Variants in ANKFN1 observed in about 807,000 individuals in gnomAD.
ANKFN1 encodes the protein ankyrin repeat and fibronectin type III domain containing 1, also known as ankyrin repeat and fibronectin type-III domain-containing protein 1.
A neutral mutation model predicts 108.7 loss-of-function variants in ANKFN1; 74 were observed. The ratio of observed to expected loss-of-function variants is 0.68; its 90% CI spans 0.56 to 0.83. The LOEUF (loss-of-function observed/expected upper bound fraction) is 0.83, where lower values mean the gene tolerates loss of function less well. Among genes scored for constraint, ANKFN1 ranks in the 40% least tolerant of loss-of-function variants. ANKFN1 has a pLI of 0.00. For synonymous variants in ANKFN1, 547 were observed against 516.2 expected, an observed-to-expected ratio of 1.06 and a Z score of -0.81; for missense variants, 1,505 against 1,382.3, an observed-to-expected ratio of 1.09 and a Z score of -1.41.
chr17:56,438,556 A>G (rs2048997160), intron 8 of ANKFN1, among the ~76,000 whole-genome samples: 1 of 152,122 alleles, frequency 6.6e-6, no homozygotes. Context: ...AATTCAGGGT[A>G]TAGTAAAAGG....
intron 8 of ANKFN1, among the ~76,000 whole-genome samples, chr17:56,381,171 C>T (rs1044053965): frequency 6.6e-6 from 1 of 152,206 alleles, no homozygotes; most frequent in African/African-American, 2.4e-5. Flanking sequence ...GATACCCAGG[C>T]AGACAGGGTC....
At chr17:56,503,177 T>C (rs1163597927) in intron 20 of ANKFN1, among the ~76,000 whole-genome samples, 1 of 151,700 alleles carries the variant, frequency 6.6e-6, no homozygotes, top group African/African-American at 2.4e-5. Flanking sequence ...TAGTGACACA[T>C]GGGTGAGGCA....
intron 8 of ANKFN1, among the ~76,000 whole-genome samples, chr17:56,385,877 T>A (rs1370564228): frequency 1.3e-5 from 2 of 152,174 alleles, no homozygotes; most frequent in African/African-American, 4.8e-5. Context: ...TTGGTGGGAC[T>A]GTAAACTAGT....
chr17:56,254,417 C>T (rs2144079123), intron 3 of ANKFN1, among the ~76,000 whole-genome samples: 1 of 152,306 alleles, frequency 6.6e-6, no homozygotes, highest in South Asian at 2.1e-4. Flanking sequence ...TCTGAGTGTA[C>T]CTTTCATTAT....
At chr17:56,335,709 C>G (rs1200418831) in intron 4 of ANKFN1, among the ~76,000 whole-genome samples, 1 of 152,130 alleles carries the variant, frequency 6.6e-6, no homozygotes, top group Admixed American at 6.5e-5. Flanking sequence ...CCCTTTATTT[C>G]TTTCTCTTGC....
At chr17:56,088,316 G>A (rs1356009216) in intron 4 of ANKFN1, among the ~76,000 whole-genome samples, 1 of 151,230 alleles carries the variant, frequency 6.6e-6, no homozygotes, top group Admixed American at 6.6e-5. Context: ...GGAGGGAGAG[G>A]TGGAAAAATT....
chr17:56,446,779 C>T (rs1373858726), intron 10 of ANKFN1, among the ~76,000 whole-genome samples: 3 of 152,018 alleles, frequency 2.0e-5, no homozygotes, highest in Admixed American at 6.6e-5. Flanking sequence ...TGGCACACAC[C>T]TGTGGTCCCC....
chr17:56,158,452 G>T (rs1173381608), intron 1 of ANKFN1, among the ~76,000 whole-genome samples: 2 of 152,206 alleles, frequency 1.3e-5, no homozygotes, highest in Non-Finnish European at 2.9e-5. Context: ...GAAATGAAAT[G>T]AAACTGTAAG....
intron 8 of ANKFN1, among the ~76,000 whole-genome samples, chr17:56,422,631 C>CT (rs1372292592): frequency 2.0e-5 from 3 of 151,558 alleles, no homozygotes; most frequent in African/African-American, 4.8e-5. Flanking sequence ...ATCCTCATTA[C>CT]TTTTTTTTTA....
chr17:56,131,792 G>A (rs768652304), intron 4 of ANKFN1, among the ~76,000 whole-genome samples: 2 of 152,112 alleles, frequency 1.3e-5, no homozygotes, highest in South Asian at 2.1e-4. Flanking sequence ...TTGGAAGGCC[G>A]AGACAGGATT....
intron 15 of ANKFN1, among the ~76,000 whole-genome samples, chr17:56,467,701 AAAAGAAAGAGAGAG>A (rs2050124243): frequency 6.7e-6 from 1 of 149,982 alleles, no homozygotes; most frequent in Admixed American, 6.7e-5. Flanking sequence ...GAAAGAAAAG[AAAAGAAAGAGAGAG>A]AAAGAAAGAA....
At chr17:56,460,555 G>C (rs2049866993) in intron 14 of ANKFN1, among the ~76,000 whole-genome samples, 1 of 151,982 alleles carries the variant, frequency 6.6e-6, no homozygotes, top group African/African-American at 2.4e-5. Flanking sequence ...CATCTCAGGT[G>C]ATGATTTCAC....
At position 56,477,567 on chromosome 17, in the gene ANKFN1, C is replaced by T. The variant is rs776681417; in HGVS notation, c.1853C>T (p.Ser618Phe). The T allele has an allele frequency of 6.2e-6, 10 of 1,612,532 alleles. No homozygotes were observed. Among genetic ancestry groups the T allele is most frequent in the Middle Eastern group, 1.6e-4 (1 of 6,074 alleles). The part of the protein sequence containing the change: ...LYLGYLKLCS[S>F]VDQIKVLVTQ... ...CTGGGTTACCTAAAGCTCTGTAGCTCTGTGGATCAAATCAAAGTTCTTGTT... is the reference window on the plus strand; with the variant it reads ...CTGGGTTACCTAAAGCTCTGTAGCTTTGTGGATCAAATCAAAGTTCTTGTT... Residue 618 changes from serine to phenylalanine, a missense_variant, in exon 16 of 21, where the codon TCT becomes TTT. Physicochemically the swap from Ser to Phe is radical, Grantham distance 155. Transcript: ENST00000682825.
chr17:56,058,025 C>T (rs1428913320), intron 4 of ANKFN1, among the ~76,000 whole-genome samples: 4 of 152,256 alleles, frequency 2.6e-5, no homozygotes, highest in East Asian at 3.9e-4. Flanking sequence ...TACACCATGC[C>T]GTACACAGAT....
intron 2 of ANKFN1, among the ~76,000 whole-genome samples, chr17:56,216,070 G>A (rs1915406816): frequency 6.6e-6 from 1 of 152,218 alleles, no homozygotes; most frequent in Admixed American, 6.5e-5. Flanking sequence ...AGCATCAATT[G>A]AGGTCACCTT....
At chr17:56,118,505 C>A (rs1906410591) in intron 4 of ANKFN1, among the ~76,000 whole-genome samples, 1 of 152,078 alleles carries the variant, frequency 6.6e-6, no homozygotes, top group Non-Finnish European at 1.5e-5. Flanking sequence ...CCTTATTAGT[C>A]CCTTACTAAT....
At chr17:56,371,758 A>G (rs1487110593) in intron 6 of ANKFN1, among the ~76,000 whole-genome samples, 2 of 152,236 alleles carry the variant, frequency 1.3e-5, no homozygotes, top group Admixed American at 1.3e-4. Flanking sequence ...CATAAGAGGC[A>G]GCCTCACTGC....
chr17:56,466,894 C>T (rs796121474), intron 15 of ANKFN1, among the ~76,000 whole-genome samples: 31 of 152,148 alleles, frequency 2.0e-4, no homozygotes, highest in African/African-American at 6.5e-4. Context: ...CACTTGAGGT[C>T]AGGAGTTCAA....
At position 56,432,491 on chromosome 17, in the gene ANKFN1, G is replaced by T. The variant is rs541243431; in HGVS notation, c.911-7836G>T. Among the ~76,000 whole-genome samples the T allele has an allele frequency of 3.9e-5, 6 of 152,360 alleles. No homozygotes were observed. In the South Asian group the frequency reaches 1.2e-3, roughly 32 times the overall value. On this transcript the variant is annotated intron_variant, in intron 8 of 20. Transcript: ENST00000682825. The stretch of plus-strand genomic sequence containing the variant: ...GTCCTGTTCAGGCGTAATCTTTTAT[G>T]CTATCGGGAGTAGCGCCCTGGTATG...
Sources: allele counts gnomAD v4.1 joint callset (sites outside exome capture counted in the v4.1 genomes callset), GRCh38; gene constraint gnomAD v4.1.1; transcripts MANE v1.5; gene names NCBI Gene and HGNC (gene_info 2026-07-23, HGNC 2026-07-21).